Variants in SLC2A13 observed in about 807,000 individuals in gnomAD.
The protein encoded by SLC2A13 is proton myo-inositol cotransporter.
In SLC2A13, 32 loss-of-function variants were observed where a neutral mutation model predicts 64.4. The ratio of observed to expected loss-of-function variants is 0.50; its 90% CI spans 0.37 to 0.67. The LOEUF is 0.67. Ranked by LOEUF, SLC2A13 falls within the 30% of genes least tolerant of loss-of-function variation. The pLI is 0.00. For synonymous variants in SLC2A13, 338 were observed against 327.1 expected, an observed-to-expected ratio of 1.03 and a Z score of -0.36; for missense variants, 743 against 829.2, an observed-to-expected ratio of 0.90 and a Z score of 1.28.
intron 2 of SLC2A13, among the ~76,000 whole-genome samples, chr12:40,046,407 G>A (rs969585280): frequency 1.4e-4 from 21 of 152,062 alleles, no homozygotes; most frequent in African/African-American, 3.9e-4. Context: ...ATTGTTATGC[G>A]TAAGTGAAAA....
intron 3 of SLC2A13, among the ~76,000 whole-genome samples, chr12:39,966,216 TGA>T (rs779800423): frequency 6.6e-6 from 1 of 151,006 alleles, no homozygotes; most frequent in Admixed American, 6.6e-5. Context: ...AAATACAGCG[TGA>T]GAGAGAGAGG....
chr12:39,788,171 C>T (rs1039393904), intron 7 of SLC2A13, among the ~76,000 whole-genome samples: 1 of 152,026 alleles, frequency 6.6e-6, no homozygotes, highest in African/African-American at 2.4e-5. Flanking sequence ...ATACCTAGTA[C>T]CAAACCCTAT....
intron 4 of SLC2A13, among the ~76,000 whole-genome samples, chr12:39,933,680 T>C (rs962030562): frequency 6.6e-6 from 1 of 152,192 alleles, no homozygotes; most frequent in East Asian, 1.9e-4. Context: ...TCAGGAACCA[T>C]AGCTTTAGTG....
At chr12:39,900,922 T>A (rs1236340844) in intron 4 of SLC2A13, among the ~76,000 whole-genome samples, 1 of 152,126 alleles carries the variant, frequency 6.6e-6, no homozygotes, top group Non-Finnish European at 1.5e-5. Flanking sequence ...GGCATCACGC[T>A]ACCTGACTTC....
intron 4 of SLC2A13, among the ~76,000 whole-genome samples, chr12:39,941,118 ATCATATAT>A (rs1946017222): frequency 2.3e-5 from 1 of 43,838 alleles, no homozygotes; most frequent in Non-Finnish European, 5.0e-5. Flanking sequence ...ATAGTATTCC[ATCATATAT>A]ATATATATAT....
chr12:39,954,906 C>A (rs1170746044), intron 3 of SLC2A13, among the ~76,000 whole-genome samples: 1 of 152,132 alleles, frequency 6.6e-6, no homozygotes, highest in Non-Finnish European at 1.5e-5. Flanking sequence ...GAAAAACCTA[C>A]AATTGTACTC....
intron 7 of SLC2A13, among the ~76,000 whole-genome samples, chr12:39,809,467 G>A (rs1296408899): frequency 1.3e-5 from 2 of 152,088 alleles, no homozygotes; most frequent in Admixed American, 1.3e-4. Flanking sequence ...AATTACTTGA[G>A]TTGATCTAGA....
intron 3 of SLC2A13, among the ~76,000 whole-genome samples, chr12:40,026,347 G>A (rs1469143873): frequency 6.6e-6 from 1 of 152,086 alleles, no homozygotes; most frequent in Non-Finnish European, 1.5e-5. Context: ...ACAAAACTGG[G>A]GAATAGGGAA....
chr12:39,920,020 C>A (rs1177074746), intron 4 of SLC2A13, among the ~76,000 whole-genome samples: 2 of 152,006 alleles, frequency 1.3e-5, no homozygotes, highest in Non-Finnish European at 2.9e-5. Flanking sequence ...AGGAGTCCAG[C>A]TGTAAATTAT....
chr12:39,917,360 G>C (rs1406095461), intron 4 of SLC2A13, among the ~76,000 whole-genome samples: 1 of 152,118 alleles, frequency 6.6e-6, no homozygotes, highest in South Asian at 2.1e-4. Context: ...ACAAAAGCCA[G>C]TGTGGCTGAA....
rs1413840597 is a variant in SLC2A13 at position 39,756,067 on chromosome 12, T to C, written c.*3959A>G. 1.3e-5 allele frequency: 2 copies of C among 151,986 alleles called. No individual in the cohort carries two copies. The highest frequency in any genetic ancestry group is 2.9e-5 in the Non-Finnish European group (2 of 67,804). 9.4% of individuals were successfully genotyped at this position (151,986 alleles called of 1,614,324 possible). ...AAGAGCTGAATGTACCGACAATTTA[T>C]AGACTGCTACAACCTGAACCATTTC... is the stretch of plus-strand genomic sequence containing the variant. On this transcript the variant is annotated 3_prime_UTR_variant, in exon 10 of 10. Transcript: ENST00000280871.
intron 1 of SLC2A13, among the ~76,000 whole-genome samples, chr12:40,069,333 T>C (rs1937865625): frequency 6.6e-6 from 1 of 152,184 alleles, no homozygotes; most frequent in South Asian, 2.1e-4. Flanking sequence ...ACTTATTCAT[T>C]AAATGTTTCC....
chr12:39,787,071 T>C (rs968466920), intron 7 of SLC2A13, among the ~76,000 whole-genome samples: 19 of 152,178 alleles, frequency 1.2e-4, no homozygotes, highest in African/African-American at 3.9e-4. Context: ...ACGGTAAACC[T>C]CTGATCTATG....
chr12:40,000,801 C>T (rs1268928006), intron 3 of SLC2A13, among the ~76,000 whole-genome samples: 1 of 152,180 alleles, frequency 6.6e-6, no homozygotes. Context: ...GGCTCTATCT[C>T]CAAATGTAGT....
Position 40,019,950 on chromosome 12 carries a change from TAGGTGTTAATAAG to T in SLC2A13, c.925+8338_925+8350del, listed in dbSNP as rs1461444717. 3.9e-5 allele frequency among the ~76,000 whole-genome samples: 6 copies of T among 152,198 alleles called. No homozygotes were observed. The East Asian group carries it at 7.7e-4, about 20-fold the overall frequency. ...GAAGGCTCAACGTTTCAAGAAATAA[TAGGTGTTAATAAG>T]TGAGTTAACTGAAATGTGCATCTAA... On this transcript the variant is annotated intron_variant, in intron 3 of 9. Coordinates refer to ENST00000280871, the MANE Select transcript of SLC2A13 (RefSeq NM_052885.4).
chr12:40,090,178 G>T (rs1349187633), intron 1 of SLC2A13, among the ~76,000 whole-genome samples: 3 of 152,116 alleles, frequency 2.0e-5, no homozygotes. Context: ...AAACAAAAGA[G>T]ATTAGTTTAA....
At chr12:39,915,749 C>A (rs1457094504) in intron 4 of SLC2A13, among the ~76,000 whole-genome samples, 1 of 151,682 alleles carries the variant, frequency 6.6e-6, no homozygotes, top group Non-Finnish European at 1.5e-5. Context: ...CTGAGGCCAT[C>A]GCTGATTTAA....
At position 40,105,555 on chromosome 12, in the gene SLC2A13, G is replaced by A; in HGVS notation, c.254C>T (p.Ala85Val). 6.3e-7 allele frequency: 1 copy of A among 1,578,230 alleles called. No individual in the cohort carries two copies. Among genetic ancestry groups the A allele is most frequent in the South Asian group, 1.2e-5 (1 of 86,532 alleles). Residue 85 changes from alanine (A) to valine (V), a missense_variant, in exon 1 of 10, where the codon GCC (alanine) becomes GTC (valine). Ala to Val is a moderately conservative substitution (Grantham distance 64). Around this residue, in one of 2 missense-constraint regions of SLC2A13, gnomAD observed 448 missense variants for 447.4 expected, o/e 1.00. Transcript: ENST00000280871. This position sits in a 1 kb window ranked among gnomAD's most constrained non-coding sequence, Gnocchi z 4.2. ...DETPAFVYVV[A>V]VFSALGGFLF... ...GAAGCCGCCCAGCGCGGAGAAGACG[G>A]CCACCACGTACACGAAGGCGGGGGT...
At chr12:40,012,489 T>C (rs1049926454) in intron 3 of SLC2A13, among the ~76,000 whole-genome samples, 1 of 152,198 alleles carries the variant, frequency 6.6e-6, no homozygotes, top group Non-Finnish European at 1.5e-5. Flanking sequence ...AAGGGAGATA[T>C]ACAATTTATT....
Sources: allele counts gnomAD v4.1 joint callset (sites outside exome capture counted in the v4.1 genomes callset), GRCh38; gene constraint gnomAD v4.1.1; regional missense constraint gnomAD v4.1.1; non-coding constraint Gnocchi (gnomAD v3.1); transcripts MANE v1.5; gene names NCBI Gene and HGNC (gene_info 2026-07-23, HGNC 2026-07-21).